The following CSMD1 variants were observed in gnomAD, a reference collection of about 807,000 sequenced individuals.
CSMD1 encodes CUB and sushi domain-containing protein 1.
Under a neutral mutation model 417.5 loss-of-function variants are expected in CSMD1, and 213 were observed. That is an observed-to-expected ratio of 0.51 (90% confidence interval 0.46 to 0.57). CSMD1 has a LOEUF of 0.57. Ranked by LOEUF, CSMD1 falls within the 20% of genes least tolerant of loss-of-function variation. The pLI is 0.00. For synonymous variants in CSMD1, 2,862 were observed against 1,736.8 expected, an observed-to-expected ratio of 1.65 and a Z score of -16.11; for missense variants, 6,923 against 4,529.7, an observed-to-expected ratio of 1.53 and a Z score of -15.17.
chr8:4,469,798 C>G (rs986479461), intron 2 of CSMD1, among the ~76,000 whole-genome samples: 3 of 152,100 alleles, frequency 2.0e-5, no homozygotes, highest in African/African-American at 4.8e-5. Flanking sequence ...CTGCTTACAG[C>G]CTTCTCACGG....
At chr8:4,275,857 CA>C (rs1796454904) in intron 3 of CSMD1, among the ~76,000 whole-genome samples, 1 of 152,130 alleles carries the variant, frequency 6.6e-6, no homozygotes, top group South Asian at 2.1e-4. Flanking sequence ...TGTTATTCCA[CA>C]AGGCATGAAT....
chr8:4,563,164 G>A (rs1798426025), intron 2 of CSMD1, among the ~76,000 whole-genome samples: 1 of 152,132 alleles, frequency 6.6e-6, no homozygotes, highest in African/African-American at 2.4e-5. Flanking sequence ...CACTTTCGGA[G>A]GCCGAGGCAG....
At chr8:3,485,166 C>G (rs909298264) in intron 11 of CSMD1, among the ~76,000 whole-genome samples, 1 of 152,142 alleles carries the variant, frequency 6.6e-6, no homozygotes, top group Non-Finnish European at 1.5e-5. Context: ...ATCCAGGTGT[C>G]CATCTGTGGG....
At chr8:3,975,714 C>A (rs1322053833) in intron 5 of CSMD1, among the ~76,000 whole-genome samples, 1 of 152,186 alleles carries the variant, frequency 6.6e-6, no homozygotes, top group Non-Finnish European at 1.5e-5. Flanking sequence ...TTGACAACGA[C>A]TTCATTACAT....
intron 3 of CSMD1, among the ~76,000 whole-genome samples, chr8:4,071,258 G>T (rs147426927): frequency 1.3e-5 from 2 of 152,200 alleles, no homozygotes; most frequent in African/African-American, 4.8e-5. Context: ...AAAGAAGCCT[G>T]ACGCCCTGCT....
intron 5 of CSMD1, among the ~76,000 whole-genome samples, chr8:3,826,877 C>G (rs1802084829): frequency 6.6e-6 from 1 of 152,146 alleles, no homozygotes; most frequent in Non-Finnish European, 1.5e-5. Flanking sequence ...GCATCGGCCT[C>G]CTGAGTTCAA....
chr8:4,432,682 C>T (rs1797934476), intron 2 of CSMD1, among the ~76,000 whole-genome samples: 1 of 152,186 alleles, frequency 6.6e-6, no homozygotes, highest in Non-Finnish European at 1.5e-5. Flanking sequence ...AAGATTCAAA[C>T]CCTGGCGTCT....
At chr8:3,904,969 A>C (rs564496005) in intron 5 of CSMD1, among the ~76,000 whole-genome samples, 2 of 152,182 alleles carry the variant, frequency 1.3e-5, no homozygotes, top group Admixed American at 6.5e-5. Flanking sequence ...CTGACATTTA[A>C]GGTCAAAGAG....
At chr8:4,689,174 A>C (rs1205572059) in intron 1 of CSMD1, among the ~76,000 whole-genome samples, 1 of 152,220 alleles carries the variant, frequency 6.6e-6, no homozygotes, top group Non-Finnish European at 1.5e-5. Flanking sequence ...CCAAATCTGG[A>C]AATTTCAATA....
intron 12 of CSMD1, among the ~76,000 whole-genome samples, chr8:3,423,542 G>A (rs1169420752): frequency 6.6e-6 from 1 of 152,076 alleles, no homozygotes; most frequent in Non-Finnish European, 1.5e-5. Flanking sequence ...GTCCTCCACT[G>A]TGTGGCTTTG....
At chr8:4,672,630 A>G (rs1402050702) in intron 1 of CSMD1, among the ~76,000 whole-genome samples, 1 of 152,160 alleles carries the variant, frequency 6.6e-6, no homozygotes, top group African/African-American at 2.4e-5. Context: ...ATTAAAAAGA[A>G]TAAAATAACA....
intron 3 of CSMD1, among the ~76,000 whole-genome samples, chr8:4,209,721 G>A (rs975174555): frequency 6.6e-6 from 1 of 152,142 alleles, no homozygotes; most frequent in African/African-American, 2.4e-5. Context: ...ATTGACTGAA[G>A]CAGCACCAGA....
At chr8:3,806,830 A>T (rs1800767909) in intron 5 of CSMD1, among the ~76,000 whole-genome samples, 1 of 152,206 alleles carries the variant, frequency 6.6e-6, no homozygotes, top group South Asian at 2.1e-4. Flanking sequence ...TTTTCTAACC[A>T]TTTGGTCTAG....
At chr8:4,321,139 G>A (rs1482761501) in intron 3 of CSMD1, among the ~76,000 whole-genome samples, 2 of 152,120 alleles carry the variant, frequency 1.3e-5, no homozygotes, top group East Asian at 3.9e-4. Flanking sequence ...CAGGAAGAGT[G>A]TCAAACCTAT....
At chr8:4,865,374 T>C (rs1802367812) in intron 1 of CSMD1, among the ~76,000 whole-genome samples, 2 of 151,948 alleles carry the variant, frequency 1.3e-5, no homozygotes, top group East Asian at 1.9e-4. Context: ...TGTCATTTTC[T>C]TTCTGCCTAT....
At chr8:4,351,070 G>C (rs1801064866) in intron 3 of CSMD1, among the ~76,000 whole-genome samples, 1 of 151,912 alleles carries the variant, frequency 6.6e-6, no homozygotes, top group Admixed American at 6.6e-5. Context: ...AGTAATTCCA[G>C]AACTTCAGGA....
intron 10 of CSMD1, among the ~76,000 whole-genome samples, chr8:3,538,559 C>T (rs1798303944): frequency 6.6e-6 from 1 of 152,272 alleles, no homozygotes; most frequent in South Asian, 2.1e-4. Flanking sequence ...CTTGAGCTGG[C>T]TAACCTGAGT....
chr8:3,009,733 A>T (rs546866800), intron 52 of CSMD1, among the ~76,000 whole-genome samples: 1 of 152,256 alleles, frequency 6.6e-6, no homozygotes, highest in African/African-American at 2.4e-5. Context: ...TATCACAGAG[A>T]GTGTGTGGAA....
chr8:4,623,497 A>G (rs1227169111), intron 2 of CSMD1, among the ~76,000 whole-genome samples: 2 of 152,164 alleles, frequency 1.3e-5, no homozygotes, highest in East Asian at 1.9e-4. Context: ...CACAGTAATT[A>G]AACTATTTTC....
Sources: gnomAD v4.1 joint callset for allele counts (sites outside exome capture counted in the v4.1 genomes callset) on GRCh38, gnomAD v4.1.1 for gene constraint, MANE v1.5 for transcripts, NCBI Gene and HGNC (gene_info 2026-07-23, HGNC 2026-07-21) for gene names.